The following CLASP2 variants were observed in gnomAD, a reference collection of about 807,000 sequenced individuals.
The protein encoded by CLASP2 is cytoplasmic linker associated protein 2.
CLASP2 carries 47 observed loss-of-function variants against 194.4 expected under a neutral mutation model. The observed-to-expected ratio is 0.24, with a 90% CI of 0.19 to 0.31. The LOEUF is 0.31. CLASP2 is among the 10% of genes least tolerant of loss of function. CLASP2 has a pLI of 1.00. For synonymous variants in CLASP2, 619 were observed against 633.5 expected, an observed-to-expected ratio of 0.98 and a Z score of 0.34; for missense variants, 1,445 against 1,823.6, an observed-to-expected ratio of 0.79 and a Z score of 3.78.
chr3:33,676,749 C>A (rs1023741837), intron 6 of CLASP2, among the ~76,000 whole-genome samples: 5 of 152,132 alleles, frequency 3.3e-5, no homozygotes, highest in Non-Finnish European at 5.9e-5. Context: ...AAGAAACTAC[C>A]ATCAGAGTGA....
intron 34 of CLASP2, among the ~76,000 whole-genome samples, chr3:33,534,214 TAAGAA>T (rs1194774112): frequency 5.9e-5 from 9 of 152,128 alleles, no homozygotes; most frequent in Non-Finnish European, 1.2e-4. Flanking sequence ...ACTAGAATCT[TAAGAA>T]AAGTATTAAT....
chr3:33,538,151 A>G (rs1180603697), intron 33 of CLASP2, among the ~76,000 whole-genome samples: 1 of 151,740 alleles, frequency 6.6e-6, no homozygotes, highest in Non-Finnish European at 1.5e-5. Context: ...AAAAAAAAAA[A>G]AAGACTCAAT....
chr3:33,582,168 C>T (rs2066309310), intron 22 of CLASP2, among the ~76,000 whole-genome samples: 2 of 151,986 alleles, frequency 1.3e-5, no homozygotes, highest in South Asian at 2.1e-4. Flanking sequence ...AAAAATGCTG[C>T]AAATAAAAAT....
chr3:33,713,305 G>C (rs2093126049), intron 1 of CLASP2, among the ~76,000 whole-genome samples: 1 of 152,098 alleles, frequency 6.6e-6, no homozygotes, highest in Non-Finnish European at 1.5e-5. Context: ...GTAATTAAAA[G>C]GGGCACTGAC....
intron 32 of CLASP2, 25 bp downstream of exon 32, chr3:33,543,408 T>G (rs1023142770): frequency 8.1e-6 from 11 of 1,354,586 alleles, no homozygotes; most frequent in Non-Finnish European, 1.1e-5. Flanking sequence ...ATACAAACCA[T>G]CATGAAAAAT....
intron 7 of CLASP2, among the ~76,000 whole-genome samples, chr3:33,658,394 T>G (rs1427494898): frequency 6.6e-6 from 1 of 152,178 alleles, no homozygotes; most frequent in Non-Finnish European, 1.5e-5. Context: ...CTTACCAAAC[T>G]AAAACACTGG....
intron 32 of CLASP2, among the ~76,000 whole-genome samples, chr3:33,539,481 C>T (rs2057961479): frequency 6.6e-6 from 1 of 151,836 alleles, no homozygotes; most frequent in South Asian, 2.1e-4. Flanking sequence ...ATTACAGGCG[C>T]CGGCCACCAC....
At chr3:33,518,053 G>A (rs2051905862) in intron 34 of CLASP2, among the ~76,000 whole-genome samples, 1 of 152,122 alleles carries the variant, frequency 6.6e-6, no homozygotes, top group Admixed American at 6.6e-5. Flanking sequence ...CCTTCCATGG[G>A]GTAGAATTCT....
chr3:33,593,944 A>G (rs1270619754), intron 20 of CLASP2, among the ~76,000 whole-genome samples: 1 of 152,120 alleles, frequency 6.6e-6, no homozygotes, highest in African/African-American at 2.4e-5. Flanking sequence ...CCCAGGCTCA[A>G]GTGGTCCTCC....
intron 8 of CLASP2, among the ~76,000 whole-genome samples, chr3:33,641,851 A>G (rs142948737): frequency 6.6e-6 from 1 of 151,664 alleles, no homozygotes; most frequent in Non-Finnish European, 1.5e-5. Context: ...TCCACCTACT[A>G]TATCCCTTTA....
At chr3:33,566,475 TTTTC>T (rs1345408455) in intron 27 of CLASP2, among the ~76,000 whole-genome samples, 2 of 152,240 alleles carry the variant, frequency 1.3e-5, no homozygotes, top group African/African-American at 4.8e-5. Context: ...TGAGGCAGAC[TTTTC>T]TTTAACTCCC....
intron 7 of CLASP2, among the ~76,000 whole-genome samples, chr3:33,647,180 A>G (rs1387696517): frequency 6.6e-6 from 1 of 152,184 alleles, no homozygotes; most frequent in South Asian, 2.1e-4. Context: ...TTACTGAGGA[A>G]GTAGTAAACA....
intron 21 of CLASP2, among the ~76,000 whole-genome samples, chr3:33,587,202 TG>T (rs2067600076): frequency 6.6e-6 from 1 of 152,080 alleles, no homozygotes. Flanking sequence ...CTTGGCTCAC[TG>T]CACGCTCTGC....
rs180855430 is a variant in CLASP2 at position 33,546,312 on chromosome 3, T to C, written c.3154-1471A>G. 1.4e-4 allele frequency among the ~76,000 whole-genome samples: 21 copies of C among 152,310 alleles called. No individual in the cohort carries two copies. The East Asian group carries it at 3.7e-3, about 27-fold the overall frequency. On this transcript the variant is annotated intron_variant, in intron 30 of 38. Transcript: ENST00000682230. ...TATAAACCTAAGTATCTCTGGACCT[T>C]CCTTCATGTTCCATTGATCTATTTG...
rs145705157 is a variant in CLASP2 at position 33,576,355 on chromosome 3, T to C, written c.2348-80A>G. On this transcript the variant is annotated intron_variant, in intron 23 of 38. Coordinates refer to ENST00000682230, the MANE Select transcript of CLASP2 (RefSeq NM_001365631.1). ...TCAGGTTGGGAAACTTTAAGACCTT[T>C]ACAGGGGAAGGAAAAAAAACCAATG... The C allele has an allele frequency of 4.7e-4, 498 of 1,051,058 alleles. 1 individual carries two copies. The African/African-American group carries it at 6.8e-3, about 14-fold the overall frequency. 65.1% of individuals were successfully genotyped at this position (1,051,058 alleles called of 1,614,324 possible). A position where few individuals can be genotyped will look rare whatever the true frequency, so the allele number is the denominator to read the frequency against.
intron 18 of CLASP2, among the ~76,000 whole-genome samples, chr3:33,600,744 G>A (rs980646972): frequency 2.0e-5 from 3 of 152,104 alleles, no homozygotes; most frequent in African/African-American, 7.2e-5. Context: ...GCTAATGGCT[G>A]CACAACATAT....
intron 12 of CLASP2, among the ~76,000 whole-genome samples, chr3:33,613,451 G>T (rs1413838322): frequency 6.6e-6 from 1 of 152,192 alleles, no homozygotes; most frequent in Non-Finnish European, 1.5e-5. Context: ...TAAGACACTG[G>T]CAACAGAAGG....
chr3:33,620,927 T>G (rs1013439870), intron 11 of CLASP2, among the ~76,000 whole-genome samples: 1 of 152,038 alleles, frequency 6.6e-6, no homozygotes, highest in Non-Finnish European at 1.5e-5. Flanking sequence ...CAGAGAGTTG[T>G]ACCTTTTACA....
intron 25 of CLASP2, among the ~76,000 whole-genome samples, chr3:33,571,042 G>A (rs572118795): frequency 0.092 from 11,706 of 127,588 alleles, 564 homozygotes; most frequent in East Asian, 0.19. Flanking sequence ...TTGAGACGGA[G>A]TCTCGCTGTC....
Sources: gnomAD v4.1 joint callset for allele counts (sites outside exome capture counted in the v4.1 genomes callset) on GRCh38, gnomAD v4.1.1 for gene constraint, MANE v1.5 for transcripts, NCBI Gene and HGNC (gene_info 2026-07-23, HGNC 2026-07-21) for gene names.